Variants in ZDHHC15 observed in about 807,000 individuals in gnomAD.
ZDHHC15 encodes the protein palmitoyltransferase ZDHHC15.
A neutral mutation model predicts 31.7 loss-of-function variants in ZDHHC15; 19 were observed. That is an observed-to-expected ratio of 0.60 (90% confidence interval 0.42 to 0.88). The LOEUF (loss-of-function observed/expected upper bound fraction) is 0.88, where lower values mean the gene tolerates loss of function less well. Among genes scored for constraint, ZDHHC15 ranks in the 40% least tolerant of loss-of-function variants. ZDHHC15 has a pLI of 0.00. For missense variants in ZDHHC15, 209 were observed against 251.2 expected, an observed-to-expected ratio of 0.83 and a Z score of 1.14; for synonymous variants, 103 against 90.0, an observed-to-expected ratio of 1.14 and a Z score of -0.82.
At chrX:75,520,469 T>C (rs1211310236) in intron 1 of ZDHHC15, among the ~76,000 whole-genome samples, 1 of 111,849 alleles carries the variant, frequency 8.9e-6, no homozygotes, top group Non-Finnish European at 1.9e-5. Context: ...GAACATTTTC[T>C]GGCACAGAGT....
intron 4 of ZDHHC15, among the ~76,000 whole-genome samples, chrX:75,439,277 C>G (rs2083905665): frequency 8.9e-6 from 1 of 111,914 alleles, no homozygotes; most frequent in South Asian, 3.7e-4. Context: ...TCTTCTTCCT[C>G]AGGAACACCA....
At chrX:75,502,657 A>G (rs760684964) in intron 2 of ZDHHC15, among the ~76,000 whole-genome samples, 1 of 111,054 alleles carries the variant, frequency 9.0e-6, no homozygotes, top group Admixed American at 9.7e-5. Context: ...CCTAAAGTTC[A>G]TATCATTCCT....
intron 3 of ZDHHC15, among the ~76,000 whole-genome samples, chrX:75,452,830 C>A (rs2084146813): frequency 8.9e-6 from 1 of 111,763 alleles, no homozygotes; most frequent in African/African-American, 3.3e-5. Flanking sequence ...TTCTTTGAAA[C>A]CAATGAGAAC....
intron 3 of ZDHHC15, among the ~76,000 whole-genome samples, chrX:75,457,338 T>C (rs1163285684): frequency 9.0e-6 from 1 of 110,891 alleles, no homozygotes; most frequent in Admixed American, 9.8e-5. Context: ...AGAATTGGGT[T>C]GTTTGTCTTT....
intron 10 of ZDHHC15, among the ~76,000 whole-genome samples, chrX:75,404,922 G>T (rs1165123261): frequency 8.9e-6 from 1 of 111,907 alleles, no homozygotes; most frequent in African/African-American, 3.3e-5. Flanking sequence ...AAAGACACAT[G>T]CACACAAATG....
chrX:75,373,924 C>CGGTTTTT (rs2083026873), intron 11 of ZDHHC15, among the ~76,000 whole-genome samples: 1 of 19,055 alleles, frequency 5.2e-5, no homozygotes, highest in Non-Finnish European at 1.6e-4. Context: ...TTCATTCTTT[C>CGGTTTTT]TGTTTTTTTT....
chrX:75,462,795 C>A (rs1371650723), intron 3 of ZDHHC15, among the ~76,000 whole-genome samples: 5 of 111,011 alleles, frequency 4.5e-5, no homozygotes, highest in African/African-American at 1.6e-4. Context: ...ATTTATAGCA[C>A]TAAATCCCCA....
At chrX:75,450,999 T>A in intron 3 of ZDHHC15, 77 bp from the exon 4 acceptor site, 1 of 1,084,535 alleles carries the variant, frequency 9.2e-7, no homozygotes, top group South Asian at 2.3e-5. Context: ...CAATAACTAC[T>A]TTAATGAAAT....
intron 4 of ZDHHC15, among the ~76,000 whole-genome samples, chrX:75,443,906 A>T (rs1184974452): frequency 9.0e-6 from 1 of 111,599 alleles, no homozygotes; most frequent in Non-Finnish European, 1.9e-5. Flanking sequence ...TGCAAATCAA[A>T]ACCACAATGA....
intron 3 of ZDHHC15, among the ~76,000 whole-genome samples, chrX:75,453,581 CA>C (rs913714111): frequency 9.1e-6 from 1 of 110,110 alleles, no homozygotes; most frequent in Non-Finnish European, 1.9e-5. Flanking sequence ...AGTGACACAA[CA>C]AAAAAAAGAG....
chrX:75,417,018 G>C (rs1374715696), intron 10 of ZDHHC15, 69 bp downstream of exon 10: 1 of 890,438 alleles, frequency 1.1e-6, no homozygotes, highest in Non-Finnish European at 1.6e-6. Flanking sequence ...AATCTTTCTG[G>C]ACACTATTTA....
At chrX:75,393,564 T>C (rs2083268362) in intron 10 of ZDHHC15, among the ~76,000 whole-genome samples, 1 of 111,287 alleles carries the variant, frequency 9.0e-6, no homozygotes, top group Non-Finnish European at 1.9e-5. Flanking sequence ...CTCTAAACAG[T>C]TCATGCCAAG....
At chrX:75,385,326 C>G (rs1432379448) in intron 10 of ZDHHC15, among the ~76,000 whole-genome samples, 1 of 111,151 alleles carries the variant, frequency 9.0e-6, no homozygotes, top group Admixed American at 9.6e-5. Flanking sequence ...TTACAGCAAT[C>G]TCTGGCATAG....
At chrX:75,500,648 CA>C (rs1471562991) in intron 2 of ZDHHC15, among the ~76,000 whole-genome samples, 2 of 109,652 alleles carry the variant, frequency 1.8e-5, no homozygotes, top group Non-Finnish European at 3.8e-5. Context: ...ATTTTTGTAA[CA>C]AAAATATCTA....
chrX:75,429,221 T>C, intron 6 of ZDHHC15, 23 bp from the exon 7 acceptor site: 2 of 1,192,945 alleles, frequency 1.7e-6, no homozygotes, highest in Non-Finnish European at 2.3e-6. Flanking sequence ...AAAAACTAAT[T>C]TGACATCAGG....
intron 4 of ZDHHC15, among the ~76,000 whole-genome samples, chrX:75,440,433 C>G (rs1370991699): frequency 9.0e-6 from 1 of 111,140 alleles, no homozygotes; most frequent in East Asian, 2.8e-4. Context: ...GCGCCCACCA[C>G]CATGCCCAGC....
intron 11 of ZDHHC15, among the ~76,000 whole-genome samples, chrX:75,374,485 TA>T (rs1159654184): frequency 6.6e-5 from 7 of 106,657 alleles, no homozygotes; most frequent in East Asian, 2.9e-4. Context: ...AATGGTTCAT[TA>T]AAAAAAAAAT....
At chrX:75,419,649 C>T (rs919114660) in intron 9 of ZDHHC15, among the ~76,000 whole-genome samples, 6 of 110,106 alleles carry the variant, frequency 5.4e-5, no homozygotes, top group Non-Finnish European at 7.6e-5. Flanking sequence ...CACATGCACA[C>T]GTATGTTTAC....
chrX:75,409,358 T>G (rs1180827766), intron 10 of ZDHHC15, among the ~76,000 whole-genome samples: 2 of 109,036 alleles, frequency 1.8e-5, no homozygotes, highest in Non-Finnish European at 3.8e-5. Context: ...AGGCATTGTG[T>G]ACGCCTGTAA....
Sources: gnomAD v4.1 joint callset for allele counts (sites outside exome capture counted in the v4.1 genomes callset) on GRCh38, gnomAD v4.1.1 for gene constraint, MANE v1.5 for transcripts, NCBI Gene and HGNC (gene_info 2026-07-23, HGNC 2026-07-21) for gene names.